Variants in GALNTL6 observed in about 807,000 individuals in gnomAD.
GALNTL6 encodes the protein polypeptide N-acetylgalactosaminyltransferase like 6.
Under a neutral mutation model 73.7 loss-of-function variants are expected in GALNTL6, and 46 were observed. That is an observed-to-expected ratio of 0.62 (90% confidence interval 0.49 to 0.80). The LOEUF is 0.80. Among genes scored for constraint, GALNTL6 ranks in the 30% least tolerant of loss-of-function variants. GALNTL6 has a pLI of 0.00. For missense variants in GALNTL6, 604 were observed against 755.0 expected (o/e 0.80, Z 2.34); for synonymous variants, 259 against 263.7 (o/e 0.98, Z 0.17).
intron 2 of GALNTL6, among the ~76,000 whole-genome samples, chr4:171,991,728 GTGTATATA>G (rs1271687892): frequency 7.4e-4 from 93 of 126,240 alleles, no homozygotes; most frequent in Middle Eastern, 4.4e-3. Flanking sequence ...GTGTGTGTGT[GTGTATATA>G]TATATATATA....
chr4:172,374,731 A>G (rs755291722), intron 5 of GALNTL6, among the ~76,000 whole-genome samples: 12 of 152,178 alleles, frequency 7.9e-5, no homozygotes, highest in African/African-American at 2.4e-4. Flanking sequence ...CTGTCATTCT[A>G]TCATTTACTT....
intron 5 of GALNTL6, among the ~76,000 whole-genome samples, chr4:172,748,942 C>T (rs1579432193): frequency 6.6e-6 from 1 of 151,598 alleles, no homozygotes; most frequent in East Asian, 1.9e-4. Context: ...ACAAGGTCTA[C>T]TCTGTTGCCC....
At position 172,395,835 on chromosome 4, in the gene GALNTL6, A is replaced by T. The variant is rs563753505; in HGVS notation, c.553+47146A>T. ...TAATTTTAGTGGAAATCAACCGGCA[A>T]CATTAATTAATTAATGTATAATTAA... On this transcript the variant is annotated intron_variant, in intron 5 of 12. Coordinates refer to ENST00000506823, the MANE Select transcript of GALNTL6 (RefSeq NM_001034845.3). Among the ~76,000 whole-genome samples the T allele has an allele frequency of 2.0e-5, 3 of 152,312 alleles. No homozygotes were observed. In the South Asian group the frequency reaches 6.2e-4, roughly 32 times the overall value.
At chr4:172,588,776 A>G (rs1027767778) in intron 5 of GALNTL6, among the ~76,000 whole-genome samples, 12 of 152,160 alleles carry the variant, frequency 7.9e-5, no homozygotes, top group Non-Finnish European at 2.9e-5. Flanking sequence ...CAGTTATGCA[A>G]TCACATATCG....
intron 7 of GALNTL6, among the ~76,000 whole-genome samples, chr4:172,834,071 T>C (rs1742779981): frequency 6.6e-6 from 1 of 152,130 alleles, no homozygotes; most frequent in South Asian, 2.1e-4. Context: ...GAGCTGAGAT[T>C]GCACTATTGC....
intron 4 of GALNTL6, among the ~76,000 whole-genome samples, chr4:172,326,182 C>T (rs988039726): frequency 5.3e-5 from 8 of 151,752 alleles, no homozygotes; most frequent in Middle Eastern, 3.4e-3. Context: ...AAGTTATCTA[C>T]GTATATATAG....
intron 10 of GALNTL6, among the ~76,000 whole-genome samples, chr4:173,004,167 G>C (rs946925409): frequency 5.3e-5 from 8 of 151,724 alleles, no homozygotes; most frequent in African/African-American, 1.5e-4. Flanking sequence ...CTGGGCAACA[G>C]AGCAAGACCC....
At chr4:171,922,225 C>T (rs190594467) in intron 2 of GALNTL6, among the ~76,000 whole-genome samples, 11 of 152,072 alleles carry the variant, frequency 7.2e-5, no homozygotes, top group African/African-American at 2.6e-4. Context: ...ATTCCCATTT[C>T]TAAATAAAAG....
intron 2 of GALNTL6, among the ~76,000 whole-genome samples, chr4:172,171,280 G>A (rs1734814526): frequency 6.6e-6 from 1 of 152,080 alleles, no homozygotes; most frequent in African/African-American, 2.4e-5. Context: ...CTGCTTTAAG[G>A]ACCTATAATA....
intron 3 of GALNTL6, among the ~76,000 whole-genome samples, chr4:172,237,858 GC>G (rs1395308321): frequency 6.6e-6 from 1 of 152,030 alleles, no homozygotes; most frequent in Non-Finnish European, 1.5e-5. Context: ...CTTTCCCCAT[GC>G]TTGTTTTTGT....
intron 5 of GALNTL6, among the ~76,000 whole-genome samples, chr4:172,392,001 T>C (rs1207317419): frequency 6.6e-6 from 1 of 152,210 alleles, no homozygotes; most frequent in African/African-American, 2.4e-5. Context: ...AGTTTTTTTT[T>C]TCTTTGAGAT....
chr4:172,684,777 C>T (rs1004477328), intron 5 of GALNTL6, among the ~76,000 whole-genome samples: 1 of 152,108 alleles, frequency 6.6e-6, no homozygotes, highest in African/African-American at 2.4e-5. Flanking sequence ...CTTTTCATTC[C>T]ACAAGCATAT....
At chr4:171,818,575 TA>T (rs370223311) in intron 2 of GALNTL6, among the ~76,000 whole-genome samples, 7,779 of 132,356 alleles carry the variant, frequency 0.059, 234 homozygotes, top group African/African-American at 0.094. Flanking sequence ...TCTACCACAT[TA>T]AAAAAAAAAA....
intron 2 of GALNTL6, among the ~76,000 whole-genome samples, chr4:172,106,629 CA>C (rs1157369853): frequency 6.6e-6 from 1 of 151,964 alleles, no homozygotes; most frequent in Non-Finnish European, 1.5e-5. Context: ...GCTGACCCTC[CA>C]AGAAAATCTA....
intron 5 of GALNTL6, among the ~76,000 whole-genome samples, chr4:172,716,517 C>T (rs1235546374): frequency 6.6e-6 from 1 of 152,144 alleles, no homozygotes; most frequent in Non-Finnish European, 1.5e-5. Context: ...CAAACATTCC[C>T]AGTCGCTCCC....
rs1227136654 is a variant in GALNTL6 at position 172,348,528 on chromosome 4, A to T, written c.392A>T (p.Lys131Met). ...SLPDIRHANC[K>M]HKMYLERLPN... ...TTCTTTTCCCTCATCTCCAGCTGTA[A>T]GCATAAGATGTATCTGGAAAGGCTG... The change falls in exon 5 of 13, where the codon AAG (lysine) becomes ATG (methionine). Residue 131 changes from lysine to methionine, a missense_variant. This residue lies in a region of GALNTL6 where 141 missense variants were observed against 156.6 expected (regional missense o/e 0.90). Transcript: ENST00000506823. 2.5e-5 allele frequency: 41 copies of T among 1,610,114 alleles called. No homozygotes were observed. The highest frequency in any genetic ancestry group is 3.2e-5 in the Non-Finnish European group (38 of 1,178,042).
At chr4:171,898,745 A>C (rs866211568) in intron 2 of GALNTL6, among the ~76,000 whole-genome samples, 1 of 151,968 alleles carries the variant, frequency 6.6e-6, no homozygotes, top group South Asian at 2.1e-4. Flanking sequence ...GTTTTTTTTA[A>C]TTTTATTTTT....
In GALNTL6 at chr4:172,970,706, T is replaced by C. The variant is rs186403738; in HGVS notation, c.1371+18448T>C. On this transcript the variant is annotated intron_variant, in intron 10 of 12. Coordinates refer to ENST00000506823, the MANE Select transcript of GALNTL6 (RefSeq NM_001034845.3). ...CATACTTTACAATCAATTTGTACAATAGTGGTCCTGAGGTGACGTACATTC... is the reference window on the plus strand; with the variant it reads ...CATACTTTACAATCAATTTGTACAACAGTGGTCCTGAGGTGACGTACATTC... 2.3e-4 allele frequency among the ~76,000 whole-genome samples: 35 copies of C among 152,298 alleles called. 1 individual carries two copies.
intron 5 of GALNTL6, among the ~76,000 whole-genome samples, chr4:172,528,042 A>G (rs908220474): frequency 6.6e-6 from 1 of 151,772 alleles, no homozygotes; most frequent in Non-Finnish European, 1.5e-5. Context: ...CTTATTAATT[A>G]AAGAATTTAC....
Sources: allele counts gnomAD v4.1 joint callset (sites outside exome capture counted in the v4.1 genomes callset), GRCh38; gene constraint gnomAD v4.1.1; regional missense constraint gnomAD v4.1.1; transcripts MANE v1.5; gene names NCBI Gene and HGNC (gene_info 2026-07-23, HGNC 2026-07-21).